The following NCAM1 variants were observed in gnomAD, a reference collection of about 807,000 sequenced individuals.
NCAM1 encodes the protein neural cell adhesion molecule 1, also known as antigen recognized by monoclonal antibody 5.1H11.
NCAM1 carries 14 observed loss-of-function variants against 109.8 expected under a neutral mutation model. That is an observed-to-expected ratio of 0.13 (90% CI 0.08 to 0.20). The LOEUF (loss-of-function observed/expected upper bound fraction) is 0.20, where lower values mean the gene tolerates loss of function less well. Ranked by LOEUF, NCAM1 falls within the 10% of genes least tolerant of loss-of-function variation. NCAM1 has a pLI of 1.00. For missense variants in NCAM1, 774 were observed against 1,109.9 expected (o/e 0.70, Z 4.30); for synonymous variants, 418 against 442.9 (o/e 0.94, Z 0.70).
intron 1 of NCAM1, among the ~76,000 whole-genome samples, chr11:113,148,671 C>T (rs1334175301): frequency 2.0e-5 from 3 of 152,162 alleles, no homozygotes; most frequent in Non-Finnish European, 2.9e-5. Context: ...TGATGCATAA[C>T]TGTATGAATG....
At position 113,246,349 on chromosome 11, in the gene NCAM1, C is replaced by T. The variant is rs985711816; in HGVS notation, c.1826-19C>T. The stretch of plus-strand genomic sequence containing the variant: ...GTGGCTTGCATGGTGCTGATGATGT[C>T]GTCCACGCTGGTGAACAGAAGGTAA... On this transcript the variant is annotated intron_variant, in intron 14 of 19. Transcript: ENST00000316851. 5.4e-6 allele frequency: 4 copies of T among 740,024 alleles called. No individual in the cohort carries two copies. Among genetic ancestry groups the T allele is most frequent in the African/African-American group, 1.7e-5 (1 of 58,750 alleles). The allele number at this position is 740,024 out of a possible 1,614,324, so 45.8% of individuals were successfully genotyped here. A position where few individuals can be genotyped will look rare whatever the true frequency, so the allele number is the denominator to read the frequency against.
At chr11:113,185,079 T>TAGAGAGAGAG (rs782462491) in intron 1 of NCAM1, among the ~76,000 whole-genome samples, 4 of 125,740 alleles carry the variant, frequency 3.2e-5, no homozygotes, top group African/African-American at 9.5e-5. Context: ...TATATATATA[T>TAGAGAGAGAG]AGAGAGAGAG....
At chr11:112,984,514 C>T (rs1951241938) in intron 1 of NCAM1, among the ~76,000 whole-genome samples, 1 of 151,948 alleles carries the variant, frequency 6.6e-6, no homozygotes, top group South Asian at 2.1e-4. Flanking sequence ...TGCCCACCAA[C>T]AGTGTACAAG....
At chr11:113,071,570 C>T (rs372903742) in intron 1 of NCAM1, among the ~76,000 whole-genome samples, 8 of 151,990 alleles carry the variant, frequency 5.3e-5, no homozygotes, top group Non-Finnish European at 1.2e-4. Flanking sequence ...GGACTACAGG[C>T]GCCTGCCATG....
At chr11:113,195,598 G>T (rs553294859) in intron 1 of NCAM1, among the ~76,000 whole-genome samples, 58 of 148,080 alleles carry the variant, frequency 3.9e-4, no homozygotes, top group African/African-American at 1.2e-3. Flanking sequence ...TGCCTCCTGG[G>T]TTCACGCCAT....
chr11:113,152,171 G>A (rs1942247725), intron 1 of NCAM1, among the ~76,000 whole-genome samples: 2 of 152,248 alleles, frequency 1.3e-5, no homozygotes, highest in South Asian at 4.1e-4. Flanking sequence ...CAAAGTTGCT[G>A]TTGGAACTTC....
At chr11:113,202,071 AT>A (rs1176994436) in intron 1 of NCAM1, among the ~76,000 whole-genome samples, 2 of 152,184 alleles carry the variant, frequency 1.3e-5, no homozygotes, top group Admixed American at 1.3e-4. Flanking sequence ...GGTTGGAAAC[AT>A]TTAGTGCAGA....
chr11:113,249,145 A>G (rs1945586635), intron 15 of NCAM1, among the ~76,000 whole-genome samples: 1 of 152,176 alleles, frequency 6.6e-6, no homozygotes, highest in Non-Finnish European at 1.5e-5. Context: ...GACTCGTACT[A>G]GGAAACGCTG....
intron 1 of NCAM1, among the ~76,000 whole-genome samples, chr11:113,117,789 T>C (rs375094201): frequency 3.4e-4 from 51 of 152,176 alleles, no homozygotes; most frequent in African/African-American, 1.2e-3. Context: ...GACACTGACC[T>C]ATGAAAGTCA....
chr11:112,971,240 C>T (rs1484691103), intron 1 of NCAM1, among the ~76,000 whole-genome samples: 1 of 151,988 alleles, frequency 6.6e-6, no homozygotes, highest in Admixed American at 6.6e-5. Flanking sequence ...CTCTCTCTCT[C>T]TCTCTGTCTC....
intron 1 of NCAM1, among the ~76,000 whole-genome samples, chr11:113,065,856 A>G (rs1034005514): frequency 6.6e-6 from 1 of 152,238 alleles, no homozygotes; most frequent in South Asian, 2.1e-4. Context: ...ATTAATTACA[A>G]CAAATATACC....
chr11:113,173,057 C>T (rs1943040345), intron 1 of NCAM1, among the ~76,000 whole-genome samples: 1 of 152,204 alleles, frequency 6.6e-6, no homozygotes, highest in Non-Finnish European at 1.5e-5. Context: ...CAATTTTATA[C>T]TGATGTTCCC....
chr11:113,051,656 A>G (rs1953496828), intron 1 of NCAM1, among the ~76,000 whole-genome samples: 1 of 152,174 alleles, frequency 6.6e-6, no homozygotes, highest in Non-Finnish European at 1.5e-5. Flanking sequence ...CATTTTGCTC[A>G]CTATAGCATC....
At chr11:113,179,799 C>A (rs1249442846) in intron 1 of NCAM1, among the ~76,000 whole-genome samples, 3 of 152,110 alleles carry the variant, frequency 2.0e-5, no homozygotes, top group Non-Finnish European at 4.4e-5. Flanking sequence ...ACCAAGATTT[C>A]TTTTGCTTTT....
intron 1 of NCAM1, among the ~76,000 whole-genome samples, chr11:113,059,344 A>G (rs1447181641): frequency 1.3e-5 from 2 of 152,220 alleles, no homozygotes; most frequent in East Asian, 3.8e-4. Context: ...TTAGTGGCTT[A>G]AAACAGCTGC....
intron 1 of NCAM1, among the ~76,000 whole-genome samples, chr11:112,988,771 T>C (rs1951381376): frequency 7.3e-6 from 1 of 137,840 alleles, no homozygotes; most frequent in Admixed American, 7.7e-5. Context: ...TTTTTTGAGA[T>C]GGATTCTCAC....
chr11:113,007,825 T>C (rs6589354), intron 1 of NCAM1, among the ~76,000 whole-genome samples: 13 of 152,050 alleles, frequency 8.5e-5, no homozygotes, highest in Non-Finnish European at 2.9e-5. Flanking sequence ...TGGGCTTGAA[T>C]GGTTTGGAGT....
At chr11:113,024,373 TA>T (rs1275238975) in intron 1 of NCAM1, among the ~76,000 whole-genome samples, 16 of 152,226 alleles carry the variant, frequency 1.1e-4, no homozygotes, top group African/African-American at 3.4e-4. Context: ...AGGTATTTTT[TA>T]CTCTCTCATT....
At chr11:113,117,902 A>G (rs1555095226) in intron 1 of NCAM1, among the ~76,000 whole-genome samples, 1 of 152,036 alleles carries the variant, frequency 6.6e-6, no homozygotes, top group African/African-American at 2.4e-5. Flanking sequence ...TACACAAATT[A>G]TTACAAACTG....
Sources: allele counts gnomAD v4.1 joint callset (sites outside exome capture counted in the v4.1 genomes callset), GRCh38; gene constraint gnomAD v4.1.1; transcripts MANE v1.5; gene names NCBI Gene and HGNC (gene_info 2026-07-23, HGNC 2026-07-21).